Variants in ANKFY1 observed in about 807,000 individuals in gnomAD.
The protein encoded by ANKFY1 is ankyrin repeat and FYVE domain containing 1.
Under a neutral mutation model 128.3 loss-of-function variants are expected in ANKFY1, and 47 were observed. That is an observed-to-expected ratio of 0.37 (90% CI 0.29 to 0.47). The LOEUF is 0.47. ANKFY1 is among the 20% of genes least tolerant of loss of function. The pLI is 1.00. For missense variants in ANKFY1, 1,222 were observed against 1,510.6 expected (o/e 0.81, Z 3.17); for synonymous variants, 553 against 601.6 (o/e 0.92, Z 1.18).
At chr17:4,190,190 C>T (rs2059692400) in intron 10 of ANKFY1, among the ~76,000 whole-genome samples, 3 of 152,132 alleles carry the variant, frequency 2.0e-5, no homozygotes, top group Non-Finnish European at 4.4e-5. Context: ...GCAGTCATCC[C>T]AGCACTTTTG....
In ANKFY1 at chr17:4,172,679, C is replaced by T. The variant is rs569134707; in HGVS notation, c.3016G>A (p.Gly1006Ser). ...CCCAAAATGTGCAGTGGTGACTGGC[C>T]TCTGATAAAACAAGTTGGAAAAGTT... is the stretch of plus-strand genomic sequence containing the variant. ...TVDAEAFNLR[G>S]QSPLHILGQY... is the part of the protein sequence containing the mutation. The change falls in exon 22 of 25, where the codon GGC becomes AGC. Residue 1006 changes from glycine to serine, a missense_variant and splice_region_variant. Transcript: ENST00000341657. The T allele has an allele frequency of 2.7e-5, 44 of 1,613,792 alleles. 2 individuals carry two copies. In the South Asian group the frequency reaches 4.1e-4, roughly 15 times the overall value.
chr17:4,194,844 T>C (rs1457623545), intron 10 of ANKFY1, 134 bp downstream of exon 10: 1 of 825,752 alleles, frequency 1.2e-6, no homozygotes, highest in African/African-American at 1.7e-5. Context: ...TTTTACTGTA[T>C]ATAAAATTAA....
Position 4,170,876 on chromosome 17 carries a change from C to G in ANKFY1, c.3140-15G>C. On this transcript the variant is annotated splice_polypyrimidine_tract_variant and intron_variant, in intron 22 of 24. Transcript: ENST00000341657. Reference sequence around the variant, plus strand: ...CAGGAGCAGCACTGGAAAACAAAAGCACGCGCAGGGCTACTTCCCACCCGG... The same window carrying G: ...CAGGAGCAGCACTGGAAAACAAAAGGACGCGCAGGGCTACTTCCCACCCGG... 1.2e-6 allele frequency: 2 copies of G among 1,614,174 alleles called. No homozygotes were observed. The highest frequency in any genetic ancestry group is 1.7e-6 in the Non-Finnish European group (2 of 1,180,020).
In ANKFY1 at chr17:4,167,692, T is replaced by G; in HGVS notation, c.*87A>C. ...TTGCCGCAGGAAGACACCCGCCAGC[T>G]CCTGCTCTGGGTGGGGTCAGGCTGG... is the stretch of plus-strand genomic sequence containing the variant. On this transcript the variant is annotated 3_prime_UTR_variant, in exon 25 of 25. Transcript: ENST00000341657. This position sits in a 1 kb window ranked among gnomAD's most constrained non-coding sequence, Gnocchi z 4.1. The G allele has an allele frequency of 2.2e-6, 3 of 1,371,536 alleles. No individual in the cohort carries two copies. The highest frequency in any genetic ancestry group is 2.9e-6 in the Non-Finnish European group (3 of 1,024,938). 85.0% of individuals were successfully genotyped at this position (1,371,536 alleles called of 1,614,324 possible). A position where few individuals can be genotyped will look rare whatever the true frequency, so the allele number is the denominator to read the frequency against.
rs768169617 is a variant in ANKFY1 at position 4,189,368 on chromosome 17, CCT to C, written c.1470+12_1470+13del. ...GATCAACACCATTTTCTCCGGCTGC[CCT>C]GTCACACTTACCCACTTGTTTCTGT... On this transcript the variant is annotated intron_variant, in intron 11 of 24. Coordinates refer to ENST00000341657, the MANE Select transcript of ANKFY1 (RefSeq NM_001330063.2). 9.6e-6 allele frequency: 15 copies of C among 1,559,190 alleles called. No individual in the cohort carries two copies. The highest frequency in any genetic ancestry group is 2.7e-5 in the African/African-American group (2 of 73,636).
intron 10 of ANKFY1, among the ~76,000 whole-genome samples, chr17:4,193,674 C>A (rs1445049132): frequency 1.3e-5 from 2 of 152,026 alleles, no homozygotes; most frequent in African/African-American, 2.4e-5. Context: ...GATCTGCCTG[C>A]CTCGGCCTCC....
At chr17:4,225,174 T>C (rs1030014262) in intron 3 of ANKFY1, among the ~76,000 whole-genome samples, 10 of 152,060 alleles carry the variant, frequency 6.6e-5, no homozygotes, top group Non-Finnish European at 1.3e-4. Context: ...TGGCCAATTA[T>C]GGCAAAACCC....
rs2059342955 is a variant in ANKFY1, at chr17:4,172,662, G to A, written c.3033C>T (p.His1011=). 4 of 1,613,928 alleles carry A rather than the reference G, an allele frequency of 2.5e-6. No homozygotes were observed. The African/African-American group carries it at 4.0e-5, about 16-fold the overall frequency. ...AFNLRGQSPL[H]ILGQYGKENA... ...TCTCCTTGCCATATTGTCCCAAAAT[G>A]TGCAGTGGTGACTGGCCTCTGATAA... The change falls in exon 22 of 25, where the codon CAC becomes CAT. Residue 1011 remains histidine (H), a synonymous_variant. Coordinates refer to ENST00000341657, the MANE Select transcript of ANKFY1 (RefSeq NM_001330063.2).
At position 4,216,998 on chromosome 17, in the gene ANKFY1, T is replaced by A. The variant is rs1237106836; in HGVS notation, c.443A>T (p.Gln148Leu). ...TGTGACTTGCCTCTCCCTGAGGAGC[T>A]GTAGCTGAAACCGATTTGCTAGTTT... Reference protein sequence around the residue: ...LMKLANRFQLQLLRERCEKGV... With the variant: ...LMKLANRFQLLLLRERCEKGV... Residue 148 changes from glutamine (Q) to leucine (L), a missense_variant, in exon 4 of 25, where the codon CAG becomes CTG. By Grantham distance (113) the Gln-to-Leu change is moderately radical. Coordinates refer to ENST00000341657, the MANE Select transcript of ANKFY1 (RefSeq NM_001330063.2). The A allele has an allele frequency of 1.9e-6, 3 of 1,614,084 alleles. No individual in the cohort carries two copies. Among genetic ancestry groups the A allele is most frequent in the Non-Finnish European group, 8.5e-7 (1 of 1,180,030 alleles).
intron 3 of ANKFY1, among the ~76,000 whole-genome samples, chr17:4,219,682 C>T (rs1349608471): frequency 6.6e-6 from 1 of 151,344 alleles, no homozygotes; most frequent in African/African-American, 2.4e-5. Context: ...GGTTAATTCA[C>T]CATCTCCTAA....
intron 21 of ANKFY1, among the ~76,000 whole-genome samples, chr17:4,172,931 C>T (rs2059347896): frequency 6.6e-6 from 1 of 152,212 alleles, no homozygotes; most frequent in African/African-American, 2.4e-5. Context: ...GCGATCTCGG[C>T]TCACTGCAAG....
chr17:4,263,852 C>T, intron 1 of ANKFY1, 80 bp downstream of exon 1: 2 of 1,612,590 alleles, frequency 1.2e-6, no homozygotes, highest in South Asian at 1.1e-5. Context: ...CCGGCCTTCC[C>T]CTCCCACGGC....
In ANKFY1 at chr17:4,180,040, C is replaced by T. The variant is rs562298418; in HGVS notation, c.2241-163G>A. ...GCCTCAAATACCAGAGTCGGGGTTCCACTCCCATAGATTCTTCTGTGACTG... is the reference window on the plus strand; with the variant it reads ...GCCTCAAATACCAGAGTCGGGGTTCTACTCCCATAGATTCTTCTGTGACTG... On this transcript the variant is annotated intron_variant, in intron 16 of 24. Coordinates refer to ENST00000341657, the MANE Select transcript of ANKFY1 (RefSeq NM_001330063.2). 77 of 847,656 alleles carry T rather than the reference C, an allele frequency of 9.1e-5. 1 individual carries two copies. In the South Asian group the frequency reaches 1.2e-3, roughly 14 times the overall value. 52.5% of individuals were successfully genotyped at this position (847,656 alleles called of 1,614,324 possible). A position where few individuals can be genotyped will look rare whatever the true frequency, so the allele number is the denominator to read the frequency against.
intron 1 of ANKFY1, among the ~76,000 whole-genome samples, chr17:4,259,911 AT>A (rs1259427145): frequency 6.6e-6 from 1 of 152,204 alleles, no homozygotes; most frequent in African/African-American, 2.4e-5. Context: ...CACTGAGTGA[AT>A]AAAGTGGGTC....
At chr17:4,188,974 C>T (rs1293416870) in intron 11 of ANKFY1, 1 of 166,494 alleles carries the variant, frequency 6.0e-6, no homozygotes, top group Non-Finnish European at 1.3e-5. Flanking sequence ...CATAACACCG[C>T]ACATTCCACC....
chr17:4,243,834 T>C (rs778816200), intron 1 of ANKFY1, among the ~76,000 whole-genome samples: 2 of 152,216 alleles, frequency 1.3e-5, no homozygotes, highest in Non-Finnish European at 2.9e-5. Context: ...CAAGCATTTA[T>C]CAGTGTTCAC....
chr17:4,203,707 C>T (rs762145430), intron 7 of ANKFY1, among the ~76,000 whole-genome samples: 13 of 151,060 alleles, frequency 8.6e-5, no homozygotes, highest in Non-Finnish European at 1.8e-4. Context: ...CCCAGCTACT[C>T]AGGAGGCTGA....
intron 2 of ANKFY1, among the ~76,000 whole-genome samples, chr17:4,238,451 C>G (rs1598128422): frequency 6.6e-6 from 1 of 151,628 alleles, no homozygotes; most frequent in South Asian, 2.1e-4. Flanking sequence ...GAGTTTCAAT[C>G]TTCTTTAGAT....
At chr17:4,206,199 T>G in intron 7 of ANKFY1, 122 bp downstream of exon 7, 1 of 1,038,538 alleles carries the variant, frequency 9.6e-7, no homozygotes, top group South Asian at 1.6e-5. Context: ...CTAGATCATG[T>G]AGCCTGTGAG....
Sources: gnomAD v4.1 joint callset for allele counts (sites outside exome capture counted in the v4.1 genomes callset) on GRCh38, gnomAD v4.1.1 for gene constraint, Gnocchi (gnomAD v3.1) non-coding constraint, MANE v1.5 for transcripts, NCBI Gene and HGNC (gene_info 2026-07-23, HGNC 2026-07-21) for gene names.